Variants in PRR5L observed in about 807,000 individuals in gnomAD.
The protein encoded by PRR5L is proline rich 5 like, also known as proline-rich protein 5-like.
In PRR5L, 21 loss-of-function variants were observed where a neutral mutation model predicts 36.4. That is an observed-to-expected ratio of 0.58 (90% CI 0.41 to 0.83). PRR5L has a LOEUF of 0.83. PRR5L is among the 40% of genes least tolerant of loss of function. PRR5L has a pLI of 0.00. For synonymous variants in PRR5L, 188 were observed against 197.0 expected (o/e 0.95, Z 0.38); for missense variants, 381 against 473.3 (o/e 0.80, Z 1.81).
chr11:36,298,198 A>G (rs1230187413), intron 1 of PRR5L, among the ~76,000 whole-genome samples: 1 of 152,192 alleles, frequency 6.6e-6, no homozygotes, highest in Non-Finnish European at 1.5e-5. Flanking sequence ...GAGGGGCTTA[A>G]ACCAGCAGTC....
intron 1 of PRR5L, among the ~76,000 whole-genome samples, chr11:36,341,459 G>A (rs1856816098): frequency 6.6e-6 from 1 of 152,142 alleles, no homozygotes; most frequent in South Asian, 2.1e-4. Flanking sequence ...AGCATACATA[G>A]TTAAGATGAT....
intron 1 of PRR5L, among the ~76,000 whole-genome samples, chr11:36,312,890 AG>A (rs1349606780): frequency 6.6e-6 from 1 of 152,248 alleles, no homozygotes; most frequent in Non-Finnish European, 1.5e-5. Flanking sequence ...CAGCCTGGGC[AG>A]GGCAACCTGC....
At chr11:36,387,593 G>C (rs767366120) in intron 1 of PRR5L, among the ~76,000 whole-genome samples, 1 of 152,138 alleles carries the variant, frequency 6.6e-6, no homozygotes, top group Non-Finnish European at 1.5e-5. Context: ...CAGTGTGTAT[G>C]GCTCCCAGGG....
At chr11:36,343,266 A>T (rs1454944360) in intron 1 of PRR5L, among the ~76,000 whole-genome samples, 8 of 152,246 alleles carry the variant, frequency 5.3e-5, no homozygotes. Context: ...GTAAGGGAGT[A>T]CATGTACTCT....
chr11:36,345,014 TTTTCCAG>T (rs1252641986), intron 1 of PRR5L, among the ~76,000 whole-genome samples: 11 of 152,126 alleles, frequency 7.2e-5, no homozygotes, highest in African/African-American at 2.7e-4. Flanking sequence ...TCCAGAAGGC[TTTTCCAG>T]ATGGCAAAGG....
chr11:36,462,954 C>T lies in PRR5L; in HGVS notation c.*218C>T, dbSNP rs1264339917. ...TCTTTGTAGCCACCAATTGTAGTGA[C>T]CAGTTGCCTAATGGTCACTTTCTGA... On this transcript the variant is annotated 3_prime_UTR_variant, in exon 9 of 9. Transcript: ENST00000530639. The T allele has an allele frequency of 6.7e-6, 3 of 447,600 alleles. No homozygotes were observed. The highest frequency in any genetic ancestry group is 1.2e-5 in the Non-Finnish European group (3 of 257,724). The allele number at this position is 447,600 out of a possible 1,614,324, so 27.7% of individuals were successfully genotyped here. A position where few individuals can be genotyped will look rare whatever the true frequency, so the allele number is the denominator to read the frequency against.
rs1405764188 is a variant in PRR5L, at chr11:36,377,216, G to A, written c.-125-23781G>A. ...AGGCGTGGGAGAGAAGGGCAGGGCA[G>A]GGAGCCACTTTGTCCCGTGCGCTGC... On this transcript the variant is annotated intron_variant, in intron 1 of 8. Coordinates refer to ENST00000530639, the MANE Select transcript of PRR5L (RefSeq NM_001160167.2). This position sits in a 1 kb window ranked among gnomAD's most constrained non-coding sequence, Gnocchi z 5.1. 2.0e-5 allele frequency among the ~76,000 whole-genome samples: 3 copies of A among 152,218 alleles called. No homozygotes were observed. The highest frequency in any genetic ancestry group is 1.9e-4 in the East Asian group (1 of 5,180).
intron 3 of PRR5L, among the ~76,000 whole-genome samples, chr11:36,413,147 G>A (rs183324822): frequency 6.6e-6 from 1 of 152,318 alleles, no homozygotes; most frequent in East Asian, 1.9e-4. Context: ...TACATGGATT[G>A]TAGATTTGTA....
intron 1 of PRR5L, among the ~76,000 whole-genome samples, chr11:36,387,234 C>A (rs1857474458): frequency 6.6e-6 from 1 of 151,762 alleles, no homozygotes; most frequent in Admixed American, 6.6e-5. Flanking sequence ...CACTTGGACA[C>A]AGGGTGGGGA....
chr11:36,344,069 T>C lies in PRR5L; in HGVS notation c.-126+47631T>C, dbSNP rs1856842942. Among the ~76,000 whole-genome samples, 1 of 152,024 alleles carries C rather than the reference T, an allele frequency of 6.6e-6. No homozygotes were observed. The highest frequency in any genetic ancestry group is 2.4e-5 in the African/African-American group (1 of 41,392). On this transcript the variant is annotated intron_variant, in intron 1 of 8. Transcript: ENST00000530639. The surrounding 1 kb of genome is among the most constrained non-coding windows in gnomAD (Gnocchi z 4.1). ...CCGTCTCTACTAAAAATACAAAAAT[T>C]AGCCAGGTGTGGTGGCATGTGCCTG... is the stretch of plus-strand genomic sequence containing the variant.
At chr11:36,304,708 A>G (rs1157055598) in intron 1 of PRR5L, among the ~76,000 whole-genome samples, 1 of 152,212 alleles carries the variant, frequency 6.6e-6, no homozygotes, top group Non-Finnish European at 1.5e-5. Context: ...ACACTTACTA[A>G]GCCATGATAT....
At chr11:36,423,262 T>C (rs967464538) in intron 4 of PRR5L, among the ~76,000 whole-genome samples, 27 of 152,226 alleles carry the variant, frequency 1.8e-4, no homozygotes, top group African/African-American at 6.5e-4. Context: ...TACGTGTGTG[T>C]GCATGTATGC....
intron 3 of PRR5L, 82 bp downstream of exon 3, chr11:36,403,460 AG>A (rs1405389256): frequency 4.1e-6 from 4 of 965,288 alleles, no homozygotes; most frequent in Non-Finnish European, 4.6e-6. Context: ...AGGAGCCTTA[AG>A]GGTTTTTTTT....
chr11:36,400,941 T>A (rs778348921), intron 1 of PRR5L, 56 bp from the exon 2 acceptor site: 537 of 1,355,280 alleles, frequency 4.0e-4, no homozygotes, highest in Non-Finnish European at 4.9e-4. Context: ...GCCAACTTCC[T>A]CTAAGAGGTG....
At chr11:36,313,381 T>G (rs1856523366) in intron 1 of PRR5L, among the ~76,000 whole-genome samples, 1 of 152,192 alleles carries the variant, frequency 6.6e-6, no homozygotes, top group African/African-American at 2.4e-5. Flanking sequence ...AGGAAGAAGT[T>G]TAAGCTACGC....
At chr11:36,430,562 G>C (rs1406832027) in intron 4 of PRR5L, among the ~76,000 whole-genome samples, 1 of 152,134 alleles carries the variant, frequency 6.6e-6, no homozygotes, top group Non-Finnish European at 1.5e-5. Context: ...ATTTTATAAA[G>C]GCCCATTCAC....
intron 1 of PRR5L, among the ~76,000 whole-genome samples, chr11:36,360,325 A>C (rs1857073948): frequency 6.6e-6 from 1 of 152,184 alleles, no homozygotes; most frequent in East Asian, 1.9e-4. Flanking sequence ...TGCTAACAGT[A>C]TTTAATAAGC....
intron 1 of PRR5L, among the ~76,000 whole-genome samples, chr11:36,328,455 CCTCT>C (rs1345333396): frequency 6.6e-6 from 1 of 151,956 alleles, no homozygotes; most frequent in Non-Finnish European, 1.5e-5. Flanking sequence ...GCAACTCAGC[CCTCT>C]CTCTCTTTTT....
At chr11:36,459,324 T>C (rs1859130309) in intron 8 of PRR5L, among the ~76,000 whole-genome samples, 1 of 152,178 alleles carries the variant, frequency 6.6e-6, no homozygotes, top group South Asian at 2.1e-4. Flanking sequence ...ACTCTGTGCA[T>C]GTTTCTGCCC....
Sources: allele counts gnomAD v4.1 joint callset (sites outside exome capture counted in the v4.1 genomes callset), GRCh38; gene constraint gnomAD v4.1.1; non-coding constraint Gnocchi (gnomAD v3.1); transcripts MANE v1.5; gene names NCBI Gene and HGNC (gene_info 2026-07-23, HGNC 2026-07-21).